The following FHIT variants were observed in gnomAD, a reference collection of about 807,000 sequenced individuals.
FHIT encodes fragile histidine triad diadenosine triphosphatase, also known as bis(5'-adenosyl)-triphosphatase.
Under a neutral mutation model 17.9 loss-of-function variants are expected in FHIT, and 19 were observed. The ratio of observed to expected loss-of-function variants is 1.06; its 90% confidence interval spans 0.74 to 1.56. The LOEUF is 1.56. Ranked by LOEUF, FHIT falls within the 40% of genes most tolerant of loss-of-function variation. The pLI is 0.00. For missense variants in FHIT, 248 were observed against 189.2 expected (o/e 1.31, Z -1.82); for synonymous variants, 81 against 69.7 (o/e 1.16, Z -0.81).
At chr3:60,238,685 C>T (rs890367830) in intron 5 of FHIT, among the ~76,000 whole-genome samples, 1 of 152,116 alleles carries the variant, frequency 6.6e-6, no homozygotes, top group African/African-American at 2.4e-5. Context: ...CTCTTCCTTT[C>T]CCTGACAGAT....
intron 5 of FHIT, among the ~76,000 whole-genome samples, chr3:60,213,038 T>C (rs1373416718): frequency 2.6e-5 from 4 of 152,176 alleles, no homozygotes; most frequent in East Asian, 1.9e-4. Flanking sequence ...CCTCTCAAAG[T>C]ACCTAGTACT....
rs1174394569 is a variant in FHIT, at chr3:60,200,309, T to G, written c.104-186157A>C. On this transcript the variant is annotated intron_variant, in intron 5 of 9. Coordinates refer to ENST00000492590, the MANE Select transcript of FHIT (RefSeq NM_002012.4). The stretch of plus-strand genomic sequence containing the variant: ...TTTCCACATTTTAGGGCCTGATGTT[T>G]GACAGCCATCTAATGAGCTAAATGA... Among the ~76,000 whole-genome samples, 4 of 152,106 alleles carry G rather than the reference T, an allele frequency of 2.6e-5. No individual in the cohort carries two copies. The East Asian group carries it at 7.7e-4, about 29-fold the overall frequency.
chr3:61,159,668 CA>C (rs1424734351), intron 2 of FHIT, among the ~76,000 whole-genome samples: 2 of 152,182 alleles, frequency 1.3e-5, no homozygotes. Context: ...CAATATAAGA[CA>C]TGATTTCTTC....
intron 7 of FHIT, among the ~76,000 whole-genome samples, chr3:59,987,375 T>C (rs1203948987): frequency 1.3e-5 from 2 of 151,834 alleles, no homozygotes; most frequent in African/African-American, 4.8e-5. Flanking sequence ...ATCGTGTGTG[T>C]CTCATGGGAC....
chr3:61,005,636 TC>T (rs1379071972), intron 3 of FHIT, among the ~76,000 whole-genome samples: 3 of 152,158 alleles, frequency 2.0e-5, no homozygotes, highest in Non-Finnish European at 4.4e-5. Context: ...GGTCCCTCAA[TC>T]CAAGAAGAAG....
At chr3:60,390,967 G>A (rs1245410979) in intron 5 of FHIT, among the ~76,000 whole-genome samples, 2 of 152,046 alleles carry the variant, frequency 1.3e-5, no homozygotes, top group African/African-American at 2.4e-5. Flanking sequence ...ATCACTTGAG[G>A]CCAGGAGTTT....
intron 8 of FHIT, among the ~76,000 whole-genome samples, chr3:59,784,187 A>T (rs1051600898): frequency 2.0e-5 from 3 of 152,134 alleles, no homozygotes; most frequent in Non-Finnish European, 1.5e-5. Flanking sequence ...CATCCAGTCA[A>T]TCAAGAGATT....
intron 2 of FHIT, among the ~76,000 whole-genome samples, chr3:61,092,083 A>C (rs1481992483): frequency 6.6e-6 from 1 of 150,614 alleles, no homozygotes; most frequent in African/African-American, 2.4e-5. Context: ...CAAGATTCAG[A>C]ATCTCTGAAA....
chr3:60,436,546 A>C (rs1288600128), intron 5 of FHIT, among the ~76,000 whole-genome samples: 2 of 145,280 alleles, frequency 1.4e-5, no homozygotes, highest in East Asian at 2.0e-4. Context: ...TTAGCCTTTT[A>C]GTTTCTTCAC....
At chr3:59,963,475 GGAGA>G (rs140623097) in intron 7 of FHIT, among the ~76,000 whole-genome samples, 86 of 150,790 alleles carry the variant, frequency 5.7e-4, no homozygotes, top group African/African-American at 2.0e-3. Context: ...AGAAGGAGGA[GGAGA>G]GAGAGAGAGA....
At chr3:60,988,235 AAATGT>A (rs888210131) in intron 3 of FHIT, among the ~76,000 whole-genome samples, 2 of 152,220 alleles carry the variant, frequency 1.3e-5, no homozygotes, top group African/African-American at 2.4e-5. Context: ...ATAAGAGAAA[AAATGT>A]AATGTAATAT....
intron 8 of FHIT, among the ~76,000 whole-genome samples, chr3:59,763,006 A>C (rs13313901): frequency 6.6e-6 from 1 of 152,098 alleles, no homozygotes; most frequent in Non-Finnish European, 1.5e-5. Flanking sequence ...TCAAAAAGCA[A>C]TTTCCTTGGC....
intron 3 of FHIT, among the ~76,000 whole-genome samples, chr3:60,923,723 G>A (rs1311624174): frequency 6.6e-6 from 1 of 152,092 alleles, no homozygotes; most frequent in Non-Finnish European, 1.5e-5. Context: ...AGGATAGTGG[G>A]TGCAGCACAC....
chr3:59,947,702 C>T lies in FHIT; in HGVS notation c.280-25288G>A, dbSNP rs1050443956. On this transcript the variant is annotated intron_variant, in intron 7 of 9. Transcript: ENST00000492590. The stretch of plus-strand genomic sequence containing the variant: ...GTTCTCTGCCCCTCAAGGTTAAGAA[C>T]CTGCTGTGCTGGAGGGGCATAGGTG... Among the ~76,000 whole-genome samples, 3 of 152,206 alleles carry T rather than the reference C, an allele frequency of 2.0e-5. No homozygotes were observed. In the East Asian group the frequency reaches 5.8e-4, roughly 30 times the overall value.
intron 4 of FHIT, among the ~76,000 whole-genome samples, chr3:60,714,645 C>T (rs1378648509): frequency 6.6e-6 from 1 of 152,106 alleles, no homozygotes; most frequent in Non-Finnish European, 1.5e-5. Flanking sequence ...CAATGACAGA[C>T]AAACAGAGAG....
At position 60,767,165 on chromosome 3, in the gene FHIT, T is replaced by C. The variant is rs191575556; in HGVS notation, c.-18+54754A>G. On this transcript the variant is annotated intron_variant, in intron 4 of 9. Transcript: ENST00000492590. ...AGACAAATAACAGGCATTTTAAAGA[T>C]AAAATAAGAAATAATGATAGCATTT... Among the ~76,000 whole-genome samples the C allele has an allele frequency of 3.3e-3, 498 of 152,290 alleles. 16 individuals are homozygous for C. Among genetic ancestry groups the C allele is most frequent in the Admixed American group, 0.032 (489 of 15,292 alleles).
intron 4 of FHIT, among the ~76,000 whole-genome samples, chr3:60,787,518 A>T (rs1700623847): frequency 6.6e-6 from 1 of 152,210 alleles, no homozygotes; most frequent in Admixed American, 6.5e-5. Context: ...GTATGCAAGC[A>T]AGCTCCATGA....
intron 2 of FHIT, among the ~76,000 whole-genome samples, chr3:61,145,488 T>C (rs1576100003): frequency 6.6e-6 from 1 of 152,084 alleles, no homozygotes; most frequent in African/African-American, 2.4e-5. Context: ...CAAGATTGTT[T>C]TGGCTATTCT....
intron 5 of FHIT, among the ~76,000 whole-genome samples, chr3:60,454,776 C>A (rs994813769): frequency 1.3e-5 from 2 of 152,130 alleles, no homozygotes; most frequent in African/African-American, 4.8e-5. Context: ...GCACTAGTCA[C>A]TGTGCAAAAG....
Sources: allele counts gnomAD v4.1 joint callset (sites outside exome capture counted in the v4.1 genomes callset), GRCh38; gene constraint gnomAD v4.1.1; transcripts MANE v1.5; gene names NCBI Gene and HGNC (gene_info 2026-07-23, HGNC 2026-07-21).